Variants in NGF observed in about 807,000 individuals in gnomAD.
The protein encoded by NGF is beta-nerve growth factor.
In NGF, 4 loss-of-function variants were observed where a neutral mutation model predicts 12.8. The ratio of observed to expected loss-of-function variants is 0.31; its 90% confidence interval spans 0.15 to 0.72. The LOEUF (loss-of-function observed/expected upper bound fraction) is 0.72, where lower values mean the gene tolerates loss of function less well. Among genes scored for constraint, NGF ranks in the 30% least tolerant of loss-of-function variants. The pLI, the probability that NGF is intolerant of heterozygous loss-of-function variation, is 0.69. For synonymous variants in NGF, 140 were observed against 130.0 expected (o/e 1.08, Z -0.52); for missense variants, 283 against 330.8 (o/e 0.86, Z 1.12).
At chr1:115,303,228 C>G (rs1285879444) in intron 1 of NGF, among the ~76,000 whole-genome samples, 1 of 152,124 alleles carries the variant, frequency 6.6e-6, no homozygotes, top group Non-Finnish European at 1.5e-5. Context: ...GAGACCAGTA[C>G]CAATGCTCTC....
chr1:115,333,388 G>A (rs2101057274), intron 1 of NGF, among the ~76,000 whole-genome samples: 1 of 151,328 alleles, frequency 6.6e-6, no homozygotes, highest in South Asian at 2.1e-4. Flanking sequence ...CTCTCCACCT[G>A]CAGAAGCCAC....
At chr1:115,292,771 G>A (rs1182250920) in intron 2 of NGF, among the ~76,000 whole-genome samples, 1 of 152,168 alleles carries the variant, frequency 6.6e-6, no homozygotes. Flanking sequence ...TTACCTTCCT[G>A]ATGCCATAAA....
intron 1 of NGF, among the ~76,000 whole-genome samples, chr1:115,329,009 G>C (rs1654842448): frequency 6.6e-6 from 1 of 152,062 alleles, no homozygotes; most frequent in Non-Finnish European, 1.5e-5. Context: ...GTTCTGATGA[G>C]GTTGAGTAGT....
intron 1 of NGF, among the ~76,000 whole-genome samples, chr1:115,314,400 G>T (rs1654416304): frequency 6.6e-6 from 1 of 152,194 alleles, no homozygotes; most frequent in Non-Finnish European, 1.5e-5. Context: ...TCCCAGAGCT[G>T]CTGCCTAAGT....
In NGF at chr1:115,286,632, G is replaced by C; in HGVS notation, c.164C>G (p.Pro55Arg). 6 of 1,614,224 alleles carry C rather than the reference G, an allele frequency of 3.7e-6. 1 individual carries two copies. The highest frequency in any genetic ancestry group is 5.1e-6 in the Non-Finnish European group (6 of 1,180,044). The change falls in exon 3 of 3, where the codon CCG becomes CGG. Residue 55 changes from proline (P) to arginine (R), a missense_variant. This residue lies in a region of NGF where 151 missense variants were observed against 141.6 expected (regional missense o/e 1.07). Transcript: ENST00000369512. ...CACGCGTGCAGCTATCGCCGCTGCC[G>C]GGGCGCTGCGGGCTCTGCGAAGGGC... ...DTALRRARSA[P>R]AAAIAARVAG...
In NGF at chr1:115,286,574, G is replaced by A. The variant is rs756396299; in HGVS notation, c.222C>T (p.Pro74=). 1.2e-6 allele frequency: 2 copies of A among 1,614,206 alleles called. No individual in the cohort carries two copies. Among genetic ancestry groups the A allele is most frequent in the South Asian group, 2.2e-5 (2 of 91,086 alleles). The change falls in exon 3 of 3, where the codon CCC becomes CCT. Residue 74 remains proline (P), a synonymous_variant. Coordinates refer to ENST00000369512, the MANE Select transcript of NGF (RefSeq NM_002506.3). The part of the protein sequence containing the change: ...AGQTRNITVD[P]RLFKKRRLRS... Reference sequence around the variant, plus strand: ...GGAGTCGCCGCTTTTTAAACAGCCTGGGGTCCACAGTAATGTTGCGGGTCT... The same window carrying A: ...GGAGTCGCCGCTTTTTAAACAGCCTAGGGTCCACAGTAATGTTGCGGGTCT...
chr1:115,325,700 T>G (rs1468475813), intron 1 of NGF, among the ~76,000 whole-genome samples: 1 of 152,150 alleles, frequency 6.6e-6, no homozygotes, highest in African/African-American at 2.4e-5. Flanking sequence ...AGGCAGGAGA[T>G]GCAGGAAGAG....
intron 1 of NGF, among the ~76,000 whole-genome samples, chr1:115,319,922 TATC>T (rs1654572734): frequency 6.6e-6 from 1 of 152,114 alleles, no homozygotes; most frequent in Non-Finnish European, 1.5e-5. Context: ...GGTTGATAAA[TATC>T]ATTAGATGGC....
At chr1:115,299,144 A>G (rs1009519284) in intron 1 of NGF, among the ~76,000 whole-genome samples, 3 of 152,216 alleles carry the variant, frequency 2.0e-5, no homozygotes, top group Non-Finnish European at 2.9e-5. Flanking sequence ...GGCACATCCA[A>G]TAGGAAAATA....
chr1:115,312,964 T>G (rs555026268), intron 1 of NGF, among the ~76,000 whole-genome samples: 3 of 152,204 alleles, frequency 2.0e-5, no homozygotes, highest in Admixed American at 6.5e-5. Flanking sequence ...TTACTGAGGA[T>G]TTGGTAACAT....
chr1:115,332,574 C>G (rs570007835), intron 1 of NGF, among the ~76,000 whole-genome samples: 1 of 152,128 alleles, frequency 6.6e-6, no homozygotes, highest in East Asian at 1.9e-4. Flanking sequence ...CAAGGGAGAA[C>G]GTGAGGGGAG....
At chr1:115,333,719 TTTCTTTCCTTCTTTC>T (rs747026161) in intron 1 of NGF, among the ~76,000 whole-genome samples, 1,550 of 128,130 alleles carry the variant, frequency 0.012, 14 homozygotes, top group East Asian at 0.052. Flanking sequence ...CTTTCTTTTC[TTTCTTTCCTTCTTTC>T]TTTCTTTCTT....
At chr1:115,318,616 T>C (rs148667745) in intron 1 of NGF, among the ~76,000 whole-genome samples, 1 of 152,316 alleles carries the variant, frequency 6.6e-6, no homozygotes, top group East Asian at 1.9e-4. Context: ...TCCACCCCTA[T>C]ATACTCTGTG....
At chr1:115,327,227 C>A (rs1226643788) in intron 1 of NGF, among the ~76,000 whole-genome samples, 2 of 152,112 alleles carry the variant, frequency 1.3e-5, no homozygotes, top group Non-Finnish European at 2.9e-5. Flanking sequence ...TTTTGTGCAC[C>A]ATGTCAACTT....
chr1:115,286,156 C>T lies in NGF; in HGVS notation c.640G>A (p.Asp214Asn). Reference sequence around the variant, plus strand: ...AACCGCCAGGCAGCCTGCTTGCCATCCATGGTCAGCGCCTTGACAAAGGTG... The same window carrying T: ...AACCGCCAGGCAGCCTGCTTGCCATTCATGGTCAGCGCCTTGACAAAGGTG... ...THTFVKALTM[D>N]GKQAAWRFIR... The change falls in exon 3 of 3, where the codon GAT (aspartate) becomes AAT (asparagine). Residue 214 changes from aspartate to asparagine, a missense_variant. Physicochemically the swap from Asp to Asn is conservative, Grantham distance 23. Coordinates refer to ENST00000369512, the MANE Select transcript of NGF (RefSeq NM_002506.3). 6.2e-7 allele frequency: 1 copy of T among 1,613,832 alleles called. No individual in the cohort carries two copies. Among genetic ancestry groups the T allele is most frequent in the Non-Finnish European group, 8.5e-7 (1 of 1,179,778 alleles).
chr1:115,323,004 A>G (rs2101049629), intron 1 of NGF, among the ~76,000 whole-genome samples: 1 of 152,320 alleles, frequency 6.6e-6, no homozygotes, highest in South Asian at 2.1e-4. Context: ...AGTGTTACAT[A>G]TGTTCTCTTT....
intron 2 of NGF, among the ~76,000 whole-genome samples, chr1:115,293,352 C>A (rs1247793641): frequency 6.6e-6 from 1 of 152,172 alleles, no homozygotes; most frequent in Non-Finnish European, 1.5e-5. Flanking sequence ...GCTGTCTATT[C>A]GAGGTCCTGT....
chr1:115,307,731 C>T (rs1654239006), intron 1 of NGF, among the ~76,000 whole-genome samples: 1 of 152,218 alleles, frequency 6.6e-6, no homozygotes, highest in African/African-American at 2.4e-5. Flanking sequence ...GGAAACATTT[C>T]AAATATAAGC....
chr1:115,331,409 A>T (rs1654919512), intron 1 of NGF, among the ~76,000 whole-genome samples: 1 of 152,140 alleles, frequency 6.6e-6, no homozygotes, highest in Non-Finnish European at 1.5e-5. Flanking sequence ...CCTTCTTGAC[A>T]TCCAGACCTG....
Sources: gnomAD v4.1 joint callset for allele counts (sites outside exome capture counted in the v4.1 genomes callset) on GRCh38, gnomAD v4.1.1 for gene constraint, gnomAD v4.1.1 regional missense constraint, MANE v1.5 for transcripts, NCBI Gene and HGNC (gene_info 2026-07-23, HGNC 2026-07-21) for gene names.